The following COBL variants were observed in gnomAD, a reference collection of about 807,000 sequenced individuals.
The protein encoded by COBL is cordon-bleu WH2 repeat protein.
In COBL, 51 loss-of-function variants were observed where a neutral mutation model predicts 98.8. The observed-to-expected ratio is 0.52, with a 90% confidence interval of 0.41 to 0.65. The LOEUF is 0.65. Ranked by LOEUF, COBL falls within the 30% of genes least tolerant of loss-of-function variation. The pLI, the probability that COBL is intolerant of heterozygous loss-of-function variation, is 0.00. For missense variants in COBL, 1,617 were observed against 1,617.5 expected (o/e 1.00, Z 0.01); for synonymous variants, 634 against 651.7 (o/e 0.97, Z 0.41).
intron 1 of COBL, among the ~76,000 whole-genome samples, chr7:51,275,016 C>A (rs528130200): frequency 9.8e-5 from 15 of 152,336 alleles, no homozygotes; most frequent in African/African-American, 3.6e-4. Context: ...CCGTGCAATT[C>A]AACTCTTTGC....
intron 1 of COBL, among the ~76,000 whole-genome samples, chr7:51,302,054 C>A (rs764147363): frequency 6.6e-6 from 1 of 152,162 alleles, no homozygotes; most frequent in Admixed American, 6.5e-5. Flanking sequence ...TCCCCGAGGG[C>A]AGCCGCCGAG....
At chr7:51,295,140 G>C (rs914354170) in intron 1 of COBL, among the ~76,000 whole-genome samples, 3 of 151,948 alleles carry the variant, frequency 2.0e-5, no homozygotes, top group African/African-American at 7.3e-5. Flanking sequence ...ACAAAAATTA[G>C]CCAGGCATGA....
chr7:51,050,835 T>C (rs1319780515), intron 7 of COBL, among the ~76,000 whole-genome samples: 1 of 152,198 alleles, frequency 6.6e-6, no homozygotes, highest in Non-Finnish European at 1.5e-5. Flanking sequence ...CAATTATGCA[T>C]AACTGGTCAA....
At chr7:51,023,042 CT>C (rs1188742923) in intron 12 of COBL, 2 of 152,212 alleles carry the variant, frequency 1.3e-5, no homozygotes, top group East Asian at 1.9e-4. Flanking sequence ...CCCAATCGCA[CT>C]GCTTCAGACT....
At chr7:51,258,950 A>G (rs1433072325) in intron 1 of COBL, among the ~76,000 whole-genome samples, 1 of 152,114 alleles carries the variant, frequency 6.6e-6, no homozygotes, top group African/African-American at 2.4e-5. Context: ...ATCTATTAGT[A>G]CCAGCCTCCT....
intron 5 of COBL, among the ~76,000 whole-genome samples, chr7:51,159,657 A>G (rs546900683): frequency 6.6e-6 from 1 of 152,304 alleles, no homozygotes; most frequent in Non-Finnish European, 1.5e-5. Flanking sequence ...TATCCTTACA[A>G]ACATCACATT....
intron 1 of COBL, among the ~76,000 whole-genome samples, chr7:51,269,596 C>T (rs566134030): frequency 2.2e-4 from 33 of 152,340 alleles, no homozygotes; most frequent in African/African-American, 7.2e-4. Flanking sequence ...TCTCCTTGCC[C>T]GTGGCTGCTT....
At position 51,028,309 on chromosome 7, in the gene COBL, G is replaced by A. The variant is rs764162697; in HGVS notation, c.2787C>T (p.Ala929=). Residue 929 remains alanine, a synonymous_variant, in exon 10 of 13, where the codon GCC becomes GCT. Coordinates refer to ENST00000265136, the MANE Select transcript of COBL (RefSeq NM_015198.5). ...HSETQGWKDG[A]QWPCVTPPNN... is the part of the protein sequence containing the mutation. ...TGGGAGGAGTGACACAGGGCCACTG[G>A]GCACCATCCTTCCATCCTTGTGTCT... 4 of 1,614,176 alleles carry A rather than the reference G, an allele frequency of 2.5e-6. No individual in the cohort carries two copies. In the Admixed American group the frequency reaches 6.7e-5, roughly 27 times the overall value.
chr7:51,290,131 G>A (rs563745709), intron 1 of COBL, among the ~76,000 whole-genome samples: 2 of 152,098 alleles, frequency 1.3e-5, no homozygotes, highest in East Asian at 3.9e-4. Context: ...TGAATGAAAG[G>A]TGGTGACTGC....
chr7:51,264,015 G>A (rs536951148), intron 1 of COBL, among the ~76,000 whole-genome samples: 1 of 152,166 alleles, frequency 6.6e-6, no homozygotes, highest in Admixed American at 6.5e-5. Flanking sequence ...TTTTATAGAA[G>A]ATGAAACTGA....
chr7:51,216,251 G>C (rs1344578370), intron 2 of COBL, among the ~76,000 whole-genome samples: 1 of 152,148 alleles, frequency 6.6e-6, no homozygotes, highest in Non-Finnish European at 1.5e-5. Flanking sequence ...CACAATCTCA[G>C]CTCATTGTAA....
chr7:51,313,488 A>G (rs1043765540), intron 1 of COBL, among the ~76,000 whole-genome samples: 1 of 152,278 alleles, frequency 6.6e-6, no homozygotes, highest in African/African-American at 2.4e-5. Context: ...CATGAAGTCC[A>G]CATTTTGACG....
At chr7:51,222,734 T>C (rs531422790) in intron 1 of COBL, among the ~76,000 whole-genome samples, 16 of 151,672 alleles carry the variant, frequency 1.1e-4, no homozygotes, top group African/African-American at 3.9e-4. Context: ...AAAAAAAGTG[T>C]TTTTCATTTT....
At chr7:51,292,767 C>T (rs1447273322) in intron 1 of COBL, among the ~76,000 whole-genome samples, 1 of 152,236 alleles carries the variant, frequency 6.6e-6, no homozygotes, top group African/African-American at 2.4e-5. Flanking sequence ...AGGCCCGTGG[C>T]TTGCCCAAGC....
intron 10 of COBL, among the ~76,000 whole-genome samples, chr7:51,027,110 C>T (rs773951269): frequency 2.3e-4 from 35 of 152,336 alleles, no homozygotes; most frequent in Non-Finnish European, 4.1e-4. Flanking sequence ...CCATGGCCCC[C>T]ACTAACTAGT....
At chr7:51,290,881 T>A (rs1199957271) in intron 1 of COBL, among the ~76,000 whole-genome samples, 1 of 152,092 alleles carries the variant, frequency 6.6e-6, no homozygotes, top group East Asian at 1.9e-4. Context: ...GTGTGTGCCC[T>A]TCCCTCCGGC....
intron 6 of COBL, among the ~76,000 whole-genome samples, chr7:51,105,537 C>T (rs1160105860): frequency 6.6e-6 from 1 of 152,126 alleles, no homozygotes; most frequent in African/African-American, 2.4e-5. Context: ...TCACTTGAGC[C>T]CAGGAATTTG....
At position 51,124,775 on chromosome 7, in the gene COBL, T is replaced by G. The variant is rs540307649; in HGVS notation, c.957+11383A>C. On this transcript the variant is annotated intron_variant, in intron 6 of 12. Transcript: ENST00000265136. ...TGTAGACAGGAACCCCATTTTCCTT[T>G]GTTATGATCTGAATTTGTTTCCAAT... is the stretch of plus-strand genomic sequence containing the variant. Among the ~76,000 whole-genome samples, 20 of 152,330 alleles carry G rather than the reference T, an allele frequency of 1.3e-4. 1 individual carries two copies. In the South Asian group the frequency reaches 3.9e-3, roughly 30 times the overall value.
chr7:51,045,255 C>A (rs903501025), intron 7 of COBL, among the ~76,000 whole-genome samples: 2 of 152,190 alleles, frequency 1.3e-5, no homozygotes, highest in African/African-American at 4.8e-5. Flanking sequence ...GTCACAGAGA[C>A]CTGGATTCAC....
Sources: gnomAD v4.1 joint callset for allele counts (sites outside exome capture counted in the v4.1 genomes callset) on GRCh38, gnomAD v4.1.1 for gene constraint, MANE v1.5 for transcripts, NCBI Gene and HGNC (gene_info 2026-07-23, HGNC 2026-07-21) for gene names.